Variants in BANK1 observed in about 807,000 individuals in gnomAD.
BANK1 encodes the protein B-cell scaffold protein with ankyrin repeats.
Under a neutral mutation model 94.5 loss-of-function variants are expected in BANK1, and 95 were observed. The observed-to-expected ratio is 1.00, with a 90% CI of 0.85 to 1.19. BANK1 has a LOEUF of 1.19. Among genes scored for constraint, BANK1 ranks in the 50% most tolerant of loss-of-function variants. BANK1 has a pLI of 0.00. For synonymous variants in BANK1, 334 were observed against 308.4 expected, an observed-to-expected ratio of 1.08 and a Z score of -0.87; for missense variants, 987 against 932.2, an observed-to-expected ratio of 1.06 and a Z score of -0.77.
intron 4 of BANK1, among the ~76,000 whole-genome samples, chr4:101,867,265 T>C (rs192041499): frequency 6.6e-6 from 1 of 151,390 alleles, no homozygotes; most frequent in African/African-American, 2.4e-5. Context: ...ATTTTAAGTA[T>C]TGTGAAAAAA....
At chr4:102,041,070 A>C (rs1014038598) in intron 10 of BANK1, among the ~76,000 whole-genome samples, 1 of 152,076 alleles carries the variant, frequency 6.6e-6, no homozygotes, top group African/African-American at 2.4e-5. Flanking sequence ...CTTGCTTTAC[A>C]AAATAATGTA....
intron 5 of BANK1, among the ~76,000 whole-genome samples, chr4:101,894,997 T>C (rs1722012208): frequency 1.3e-5 from 2 of 151,884 alleles, no homozygotes; most frequent in Non-Finnish European, 2.9e-5. Context: ...CTTGACCTAT[T>C]GTAATTCTCT....
At chr4:101,832,758 G>A (rs186772184) in intron 2 of BANK1, among the ~76,000 whole-genome samples, 77 of 152,032 alleles carry the variant, frequency 5.1e-4, no homozygotes, top group African/African-American at 1.8e-3. Flanking sequence ...AAAAATTCAC[G>A]GTGAAATGTT....
At chr4:102,060,416 A>C (rs569020939) in intron 12 of BANK1, 27 bp downstream of exon 12, 9 of 1,577,840 alleles carry the variant, frequency 5.7e-6, no homozygotes, top group Non-Finnish European at 7.7e-6. Context: ...GTTTTCTGGG[A>C]CATTCCCTCA....
intron 6 of BANK1, among the ~76,000 whole-genome samples, chr4:101,906,422 G>A (rs548256558): frequency 6.6e-6 from 1 of 152,112 alleles, no homozygotes; most frequent in Non-Finnish European, 1.5e-5. Context: ...TGCCTGAATA[G>A]AACTAAGAGT....
Position 101,981,329 on chromosome 4 carries a change from G to A in BANK1, c.1207-40185G>A, listed in dbSNP as rs114830774. ...ACCATTTTAGTGTCAATGGAGAGAGGAATATTCTTTTTCTCTTTAGACTAA... is the reference window on the plus strand; with the variant it reads ...ACCATTTTAGTGTCAATGGAGAGAGAAATATTCTTTTTCTCTTTAGACTAA... On this transcript the variant is annotated intron_variant, in intron 7 of 16. Transcript: ENST00000322953. 8.1e-3 allele frequency among the ~76,000 whole-genome samples: 1,233 copies of A among 152,090 alleles called. 11 individuals carry two copies. Among genetic ancestry groups the A allele is most frequent in the Admixed American group, 0.013 (197 of 15,240 alleles).
At chr4:102,042,045 T>C (rs1225165534) in intron 10 of BANK1, among the ~76,000 whole-genome samples, 1 of 152,048 alleles carries the variant, frequency 6.6e-6, no homozygotes, top group Non-Finnish European at 1.5e-5. Flanking sequence ...TCTGAATAGA[T>C]CTTTGGATTC....
intron 6 of BANK1, among the ~76,000 whole-genome samples, chr4:101,895,620 G>A (rs553686284): frequency 1.3e-5 from 2 of 151,726 alleles, no homozygotes; most frequent in African/African-American, 4.8e-5. Flanking sequence ...AAAAATGCAC[G>A]TAACTTTTGC....
intron 7 of BANK1, among the ~76,000 whole-genome samples, chr4:102,006,354 T>C (rs1020258741): frequency 2.0e-5 from 3 of 152,022 alleles, no homozygotes; most frequent in African/African-American, 7.2e-5. Flanking sequence ...TGGGTCCCAC[T>C]TCTAGAGATT....
At position 102,010,064 on chromosome 4, in the gene BANK1, A is replaced by C. The variant is rs7658484; in HGVS notation, c.1207-11450A>C. On this transcript the variant is annotated intron_variant, in intron 7 of 16. Coordinates refer to ENST00000322953, the MANE Select transcript of BANK1 (RefSeq NM_017935.5). ...GGCAGATCACGAAGTCAGGAGATCG[A>C]GACCATCCTGGCTAACACGGTGAAA... Among the ~76,000 whole-genome samples, 598 of 152,106 alleles carry C rather than the reference A, an allele frequency of 3.9e-3. 8 individuals are homozygous for C. The highest frequency in any genetic ancestry group is 0.014 in the African/African-American group (571 of 41,528).
intron 1 of BANK1, among the ~76,000 whole-genome samples, chr4:101,806,177 G>T (rs1725546361): frequency 6.6e-6 from 1 of 151,538 alleles, no homozygotes; most frequent in Non-Finnish European, 1.5e-5. Context: ...TGTACTTCTA[G>T]GTTTTTTATA....
intron 7 of BANK1, among the ~76,000 whole-genome samples, chr4:101,959,262 C>T (rs1204063026): frequency 6.6e-6 from 1 of 152,048 alleles, no homozygotes; most frequent in African/African-American, 2.4e-5. Flanking sequence ...GCCTCGGCCT[C>T]CCAAGTAGCT....
At chr4:101,837,888 C>A (rs980193829) in intron 2 of BANK1, among the ~76,000 whole-genome samples, 4 of 151,126 alleles carry the variant, frequency 2.6e-5, no homozygotes, top group South Asian at 2.1e-4. Context: ...TCTCCTCTCC[C>A]TCTCCCTCTC....
chr4:101,889,060 TTTAA>T (rs762442276), intron 5 of BANK1, among the ~76,000 whole-genome samples: 1 of 152,184 alleles, frequency 6.6e-6, no homozygotes, highest in South Asian at 2.1e-4. Context: ...ATCGTTAGTA[TTTAA>T]TTAAACTTAT....
At chr4:101,862,809 G>A (rs1727930482) in intron 4 of BANK1, 145 bp downstream of exon 4, 5 of 845,280 alleles carry the variant, frequency 5.9e-6, no homozygotes, top group Non-Finnish European at 1.7e-6. Flanking sequence ...ACCCAAGGTT[G>A]TTATTATTAA....
intron 7 of BANK1, among the ~76,000 whole-genome samples, chr4:101,943,681 G>A (rs896641047): frequency 6.6e-6 from 1 of 151,868 alleles, no homozygotes; most frequent in Admixed American, 6.6e-5. Context: ...TGGGCTGCAA[G>A]TAGAGGTATA....
intron 3 of BANK1, among the ~76,000 whole-genome samples, chr4:101,860,650 T>C (rs1411474083): frequency 2.4e-4 from 36 of 152,142 alleles, no homozygotes; most frequent in African/African-American, 8.4e-4. Flanking sequence ...AAGCTGGTCT[T>C]GAACTCCTGA....
At chr4:101,905,292 A>G (rs1722412160) in intron 6 of BANK1, among the ~76,000 whole-genome samples, 2 of 152,204 alleles carry the variant, frequency 1.3e-5, no homozygotes, top group Admixed American at 6.5e-5. Context: ...TTCCCCAGGC[A>G]GAAGGCTCAC....
chr4:102,009,252 A>G (rs1053373939), intron 7 of BANK1, among the ~76,000 whole-genome samples: 4 of 152,202 alleles, frequency 2.6e-5, no homozygotes, highest in African/African-American at 9.7e-5. Context: ...AAAGAACTAT[A>G]CAACTGGGGT....
Sources: gnomAD v4.1 joint callset for allele counts (sites outside exome capture counted in the v4.1 genomes callset) on GRCh38, gnomAD v4.1.1 for gene constraint, MANE v1.5 for transcripts, NCBI Gene and HGNC (gene_info 2026-07-23, HGNC 2026-07-21) for gene names.